Variants in CACNA1I observed in about 807,000 individuals in gnomAD.
CACNA1I encodes calcium voltage-gated channel subunit alpha1 I.
Under a neutral mutation model 201.6 loss-of-function variants are expected in CACNA1I, and 74 were observed. The ratio of observed to expected loss-of-function variants is 0.37; its 90% confidence interval spans 0.30 to 0.45. CACNA1I has a LOEUF of 0.45. Ranked by LOEUF, CACNA1I falls within the 20% of genes least tolerant of loss-of-function variation. The pLI, the probability that CACNA1I is intolerant of heterozygous loss-of-function variation, is 1.00. For synonymous variants in CACNA1I, 1,431 were observed against 1,345.2 expected (o/e 1.06, Z -1.40); for missense variants, 2,346 against 3,138.1 (o/e 0.75, Z 6.03).
intron 5 of CACNA1I, among the ~76,000 whole-genome samples, chr22:39,635,341 G>GA (rs1320372994): frequency 6.6e-6 from 1 of 151,496 alleles, no homozygotes; most frequent in African/African-American, 2.4e-5. Flanking sequence ...GCGGCAGAAG[G>GA]GGGGGGGTCC....
intron 2 of CACNA1I, among the ~76,000 whole-genome samples, chr22:39,600,216 G>A (rs900749228): frequency 6.6e-6 from 1 of 152,090 alleles, no homozygotes; most frequent in Non-Finnish European, 1.5e-5. Context: ...AATATGGGAC[G>A]GCCCCTCACC....
Position 39,684,396 on chromosome 22 carries a change from C to A in CACNA1I, c.5925C>A (p.Gly1975=). The A allele has an allele frequency of 6.2e-7, 1 of 1,613,694 alleles. No individual in the cohort carries two copies. Among genetic ancestry groups the A allele is most frequent in the East Asian group, 2.2e-5 (1 of 44,882 alleles). Residue 1975 remains glycine (G), a synonymous_variant, in exon 36 of 37, where the codon GGC becomes GGA. Coordinates refer to ENST00000402142, the MANE Select transcript of CACNA1I (RefSeq NM_021096.4). This position sits in a 1 kb window ranked among gnomAD's most constrained non-coding sequence, Gnocchi z 4.6. The part of the protein sequence containing the change: ...FHPAVSASQK[G]PEKGTGTGTL... ...CTGCAGTGTCTGCCAGCCAGAAAGG[C>A]CCAGAAAAGGGCACTGGCACTGGAA...
chr22:39,673,870 C>A (rs1428911675), intron 28 of CACNA1I, 93 bp from the exon 29 acceptor site: 15 of 1,246,238 alleles, frequency 1.2e-5, no homozygotes, highest in Non-Finnish European at 1.7e-5. Flanking sequence ...TTCATGTTCT[C>A]TTCTCCCAAG....
chr22:39,583,806 C>A (rs1932658408), intron 1 of CACNA1I, among the ~76,000 whole-genome samples: 1 of 152,272 alleles, frequency 6.6e-6, no homozygotes, highest in Non-Finnish European at 1.5e-5. Context: ...ATTCTCCTCA[C>A]CTTCTGCTGG....
rs942215745 is a variant in CACNA1I at position 39,613,177 on chromosome 22, C to CT, written c.483-6124dup. Among the ~76,000 whole-genome samples, 126 of 151,802 alleles carry CT rather than the reference C, an allele frequency of 8.3e-4. 1 individual carries two copies. The highest frequency in any genetic ancestry group is 2.8e-3 in the African/African-American group (115 of 41,364). On this transcript the variant is annotated intron_variant, in intron 3 of 36. Coordinates refer to ENST00000402142, the MANE Select transcript of CACNA1I (RefSeq NM_021096.4). The stretch of plus-strand genomic sequence containing the variant: ...CTTGTGGCTTCTTGTCAGCTCCAAG[C>CT]TTTTTTTTTCTTTCTTCTTTTTTTC...
intron 3 of CACNA1I, among the ~76,000 whole-genome samples, chr22:39,615,128 T>C (rs1447886284): frequency 6.6e-6 from 1 of 152,198 alleles, no homozygotes; most frequent in East Asian, 1.9e-4. Flanking sequence ...CCCAGCTGTC[T>C]TGGCTGTCAC....
chr22:39,624,167 GGT>G (rs370693569), intron 4 of CACNA1I, among the ~76,000 whole-genome samples: 6 of 151,752 alleles, frequency 4.0e-5, no homozygotes, highest in Admixed American at 1.3e-4. Context: ...TGCCTGTGAG[GGT>G]GTGTGTGTGT....
chr22:39,644,688 T>C (rs1427647481), intron 7 of CACNA1I, among the ~76,000 whole-genome samples: 2 of 151,922 alleles, frequency 1.3e-5, no homozygotes, highest in Admixed American at 6.5e-5. Flanking sequence ...TTCTTTCTTT[T>C]TTTTTTTTTT....
chr22:39,663,715 C>CCCCCCGGGCGG lies in CACNA1I; in HGVS notation c.3474-3_3474-2insCCCCCGGGCGG. ...TCAGGCAGCCCCCGCCCACCCTGCC[C>CCCCCCGGGCGG]AGGTTCCGGGTCCTGTGTCAGACCA... On this transcript the variant is annotated splice_region_variant and splice_polypyrimidine_tract_variant and intron_variant, in intron 18 of 36. Transcript: ENST00000402142. The CCCCCCGGGCGG allele has an allele frequency of 6.3e-7, 1 of 1,591,704 alleles. No homozygotes were observed.
intron 4 of CACNA1I, among the ~76,000 whole-genome samples, chr22:39,624,607 T>G (rs1175130171): frequency 6.6e-6 from 1 of 152,194 alleles, no homozygotes; most frequent in African/African-American, 2.4e-5. Flanking sequence ...GCCCTGCAGA[T>G]ACTCACAGGC....
intron 7 of CACNA1I, among the ~76,000 whole-genome samples, chr22:39,644,116 G>A (rs1430903509): frequency 1.3e-5 from 2 of 152,190 alleles, no homozygotes; most frequent in African/African-American, 4.8e-5. Context: ...GAGGTGAGCA[G>A]GGAAAGAGCC....
At chr22:39,615,221 T>C (rs1339638578) in intron 3 of CACNA1I, among the ~76,000 whole-genome samples, 3 of 152,202 alleles carry the variant, frequency 2.0e-5, no homozygotes, top group Non-Finnish European at 4.4e-5. Context: ...GTGGTGCTTA[T>C]GCCTGACATG....
chr22:39,618,392 T>A (rs924646196), intron 3 of CACNA1I, among the ~76,000 whole-genome samples: 1 of 151,710 alleles, frequency 6.6e-6, no homozygotes, highest in African/African-American at 2.4e-5. Flanking sequence ...TGGGTGTGAC[T>A]GTGGGTGTGT....
chr22:39,573,245 G>A (rs902387793), intron 1 of CACNA1I, among the ~76,000 whole-genome samples: 1 of 152,186 alleles, frequency 6.6e-6, no homozygotes, highest in Admixed American at 6.5e-5. Context: ...GATGACAAGA[G>A]TTGATTCTGG....
chr22:39,634,697 G>A lies in CACNA1I; in HGVS notation c.713G>A (p.Arg238His), dbSNP rs1480721748. 2 of 1,613,664 alleles carry A rather than the reference G, an allele frequency of 1.2e-6. No individual in the cohort carries two copies. The highest frequency in any genetic ancestry group is 8.5e-7 in the Non-Finnish European group (1 of 1,179,758). ...VQLWAGLLRN[R>H]CFLEENFTIQ... ...CTCTGGGCGGGCCTGCTGCGTAACCGCTGCTTCCTGGAGGAGAACTTCACC... is the reference window on the plus strand; with the variant it reads ...CTCTGGGCGGGCCTGCTGCGTAACCACTGCTTCCTGGAGGAGAACTTCACC... The change falls in exon 5 of 37, where the codon CGC becomes CAC. Residue 238 changes from arginine to histidine, a missense_variant. By Grantham distance (29) the Arg-to-His change is conservative. Coordinates refer to ENST00000402142, the MANE Select transcript of CACNA1I (RefSeq NM_021096.4).
At chr22:39,645,140 C>T (rs1437443174) in intron 7 of CACNA1I, among the ~76,000 whole-genome samples, 3 of 152,118 alleles carry the variant, frequency 2.0e-5, no homozygotes, top group Non-Finnish European at 4.4e-5. Flanking sequence ...GCATGCACCA[C>T]CATGCCCGGC....
At chr22:39,655,865 C>A (rs773095655) in intron 10 of CACNA1I, among the ~76,000 whole-genome samples, 2 of 152,202 alleles carry the variant, frequency 1.3e-5, no homozygotes, top group African/African-American at 4.8e-5. Flanking sequence ...GAGGAGGAGG[C>A]GCGGGGTGAC....
rs1001018168 is a variant in CACNA1I at position 39,662,442 on chromosome 22, G to C, written c.3372+7G>C. ...TGAGGAGGAAATCGACTACGTGAGT[G>C]GGGGCGGGGCCGAAGGGGACCTGGT... On this transcript the variant is annotated splice_region_variant and intron_variant, in intron 17 of 36. Coordinates refer to ENST00000402142, the MANE Select transcript of CACNA1I (RefSeq NM_021096.4). 10 of 1,429,548 alleles carry C rather than the reference G, an allele frequency of 7.0e-6. No individual in the cohort carries two copies. Among genetic ancestry groups the C allele is most frequent in the African/African-American group, 1.5e-5 (1 of 66,628 alleles). 88.6% of individuals were successfully genotyped at this position (1,429,548 alleles called of 1,614,324 possible). A position where few individuals can be genotyped will look rare whatever the true frequency, so the allele number is the denominator to read the frequency against.
intron 4 of CACNA1I, among the ~76,000 whole-genome samples, chr22:39,631,126 G>A (rs1008423711): frequency 2.0e-5 from 3 of 152,192 alleles, no homozygotes; most frequent in Non-Finnish European, 2.9e-5. Flanking sequence ...TCCTGGCCCC[G>A]TGGTATTCCT....
Sources: allele counts gnomAD v4.1 joint callset (sites outside exome capture counted in the v4.1 genomes callset), GRCh38; gene constraint gnomAD v4.1.1; non-coding constraint Gnocchi (gnomAD v3.1); transcripts MANE v1.5; gene names NCBI Gene and HGNC (gene_info 2026-07-23, HGNC 2026-07-21).